Variants in PPP2R2C observed in about 807,000 individuals in gnomAD.
The protein encoded by PPP2R2C is protein phosphatase 2, regulatory subunit B, gamma.
A neutral mutation model predicts 45.3 loss-of-function variants in PPP2R2C; 10 were observed. That is an observed-to-expected ratio of 0.22 (90% CI 0.14 to 0.37). The LOEUF (loss-of-function observed/expected upper bound fraction) is 0.37, where lower values mean the gene tolerates loss of function less well. PPP2R2C is among the 10% of genes least tolerant of loss of function. PPP2R2C has a pLI of 1.00. For synonymous variants in PPP2R2C, 257 were observed against 245.4 expected, an observed-to-expected ratio of 1.05 and a Z score of -0.44; for missense variants, 308 against 619.7, an observed-to-expected ratio of 0.50 and a Z score of 5.34.
chr4:6,532,404 G>T (rs2108823679), intron 2 of PPP2R2C, among the ~76,000 whole-genome samples: 1 of 152,282 alleles, frequency 6.6e-6, no homozygotes, highest in African/African-American at 2.4e-5. Flanking sequence ...AATAATTCCT[G>T]CCCATCCCAG....
chr4:6,546,423 T>G (rs564022311), intron 1 of PPP2R2C, among the ~76,000 whole-genome samples: 1 of 152,194 alleles, frequency 6.6e-6, no homozygotes, highest in African/African-American at 2.4e-5. Flanking sequence ...CAGCATCTCA[T>G]TAATCCTCAC....
At chr4:6,526,599 G>A (rs1408731435) in intron 2 of PPP2R2C, among the ~76,000 whole-genome samples, 2 of 152,112 alleles carry the variant, frequency 1.3e-5, no homozygotes, top group Non-Finnish European at 2.9e-5. Context: ...CACCCTGAGC[G>A]CAGTGCCTGC....
At chr4:6,488,954 A>G (rs2108784085) in intron 2 of PPP2R2C, among the ~76,000 whole-genome samples, 1 of 152,286 alleles carries the variant, frequency 6.6e-6, no homozygotes, top group South Asian at 2.1e-4. Flanking sequence ...ATTTCCTTGC[A>G]TGCATGTGCT....
At chr4:6,490,745 T>A (rs892252994) in intron 2 of PPP2R2C, among the ~76,000 whole-genome samples, 2 of 152,170 alleles carry the variant, frequency 1.3e-5, no homozygotes, top group African/African-American at 4.8e-5. Flanking sequence ...CTCAAGATAT[T>A]CTGAAAAGGA....
intron 1 of PPP2R2C, among the ~76,000 whole-genome samples, chr4:6,469,542 C>G (rs1011573849): frequency 2.0e-5 from 3 of 152,184 alleles, no homozygotes; most frequent in Non-Finnish European, 4.4e-5. Context: ...CTCCAACAAC[C>G]CAAGCACTGT....
At chr4:6,472,652 G>A (rs1451466919), upstream of PPP2R2C, among the ~76,000 whole-genome samples, 1 of 149,270 alleles carries the variant, frequency 6.7e-6, no homozygotes, top group Non-Finnish European at 1.5e-5. Context: ...GCTGTCGCAG[G>A]CCCCTCCCTC....
chr4:6,402,367 G>T (rs528741260), intron 1 of PPP2R2C, among the ~76,000 whole-genome samples: 1 of 152,178 alleles, frequency 6.6e-6, no homozygotes, highest in African/African-American at 2.4e-5. Flanking sequence ...AAAGTATAAT[G>T]AGCTGCCAAG....
At chr4:6,512,650 C>CTGG (rs1491449698) in intron 2 of PPP2R2C, among the ~76,000 whole-genome samples, 1 of 12,992 alleles carries the variant, frequency 7.7e-5, no homozygotes, top group East Asian at 0.011. Flanking sequence ...GGTGATGGTG[C>CTGG]TGATGGTGGT....
intron 1 of PPP2R2C, chr4:6,382,802 C>T: frequency 1.0e-6 from 1 of 958,256 alleles, no homozygotes; most frequent in Non-Finnish European, 1.4e-6. Context: ...ACTGCCACAG[C>T]TCTTTCTCCC....
At chr4:6,531,625 C>T (rs546889687) in intron 2 of PPP2R2C, among the ~76,000 whole-genome samples, 10 of 151,772 alleles carry the variant, frequency 6.6e-5, no homozygotes, top group South Asian at 6.2e-4. Flanking sequence ...CAACTTTCAC[C>T]GAAAGATCCT....
At chr4:6,506,603 G>A (rs1723243456) in intron 2 of PPP2R2C, among the ~76,000 whole-genome samples, 1 of 152,200 alleles carries the variant, frequency 6.6e-6, no homozygotes, top group Non-Finnish European at 1.5e-5. Flanking sequence ...ACAGGAGATA[G>A]GAAAGCAAAG....
chr4:6,347,194 T>C (rs1019693691), intron 6 of PPP2R2C, among the ~76,000 whole-genome samples: 2 of 152,218 alleles, frequency 1.3e-5, no homozygotes, highest in Admixed American at 6.5e-5. Flanking sequence ...CTGGGGCTTG[T>C]GTGAAGATTC....
intron 5 of PPP2R2C, among the ~76,000 whole-genome samples, chr4:6,365,551 T>A (rs1163283707): frequency 6.6e-6 from 1 of 152,206 alleles, no homozygotes; most frequent in Non-Finnish European, 1.5e-5. Context: ...TCAGGGTCAG[T>A]GGCAGAGGCA....
At position 6,554,091 on chromosome 4, in the gene PPP2R2C, C is replaced by CA. The variant is rs1330614674; in HGVS notation, c.-59+9468dup. On this transcript the variant is annotated intron_variant, in intron 1 of 9. Transcript: ENST00000506140. ...TGGGTTGAACTGTGTGCTCTCCCCA[C>CA]AAAAAATTCACATTGAAGTCCAAAC... Among the ~76,000 whole-genome samples the CA allele has an allele frequency of 3.3e-5, 5 of 152,298 alleles. No individual in the cohort carries two copies. The South Asian group carries it at 1.0e-3, about 32-fold the overall frequency.
At chr4:6,370,631 C>T (rs915929462) in intron 5 of PPP2R2C, among the ~76,000 whole-genome samples, 19 of 152,188 alleles carry the variant, frequency 1.2e-4, no homozygotes, top group Admixed American at 1.2e-3. Context: ...GGGTGGGGCC[C>T]CAACTACTGG....
At chr4:6,349,225 C>T (rs138604450) in intron 5 of PPP2R2C, 28 of 985,434 alleles carry the variant, frequency 2.8e-5, no homozygotes, top group East Asian at 1.1e-4. Context: ...GGGCTTTGCA[C>T]GGTCTGTTCC....
rs116138848 is a variant in PPP2R2C at position 6,489,853 on chromosome 4, T to G, written c.49+45418A>C. 2.1e-3 allele frequency among the ~76,000 whole-genome samples: 325 copies of G among 152,342 alleles called. No individual in the cohort carries two copies. The Middle Eastern group carries it at 0.024, about 11-fold the overall frequency. On this transcript the variant is annotated intron_variant, in intron 2 of 9. Transcript: ENST00000506140. The stretch of plus-strand genomic sequence containing the variant: ...TACCACCTGAATTAATTGCATCCAC[T>G]ATTTTCGAACTTAATACCAAAGAGA...
Position 6,388,673 on chromosome 4 carries a change from G to A in PPP2R2C, c.71-7579C>T, listed in dbSNP as rs116718024. On this transcript the variant is annotated intron_variant, in intron 1 of 8. Transcript: ENST00000382599. The stretch of plus-strand genomic sequence containing the variant: ...TCCCAGCACTTTGGGGGGCCGAGCC[G>A]GGCCTCCCAATGCCTGGAAATGCCC... 4.6e-3 allele frequency among the ~76,000 whole-genome samples: 705 copies of A among 152,140 alleles called. 4 individuals carry two copies. Among genetic ancestry groups the A allele is most frequent in the African/African-American group, 0.016 (673 of 41,528 alleles).
intron 1 of PPP2R2C, among the ~76,000 whole-genome samples, chr4:6,405,902 G>T (rs1029695218): frequency 2.6e-5 from 4 of 152,166 alleles, no homozygotes; most frequent in African/African-American, 9.7e-5. Flanking sequence ...GTGACTTATG[G>T]ATTTGGCATT....
Sources: allele counts gnomAD v4.1 joint callset (sites outside exome capture counted in the v4.1 genomes callset), GRCh38; gene constraint gnomAD v4.1.1; transcripts MANE v1.5; gene names NCBI Gene and HGNC (gene_info 2026-07-23, HGNC 2026-07-21).